The following DYNC1I1 variants were observed in gnomAD, a reference collection of about 807,000 sequenced individuals.
DYNC1I1 encodes the protein cytoplasmic dynein 1 intermediate chain 1.
Under a neutral mutation model 86.6 loss-of-function variants are expected in DYNC1I1, and 43 were observed. The observed-to-expected ratio is 0.50, with a 90% CI of 0.39 to 0.64. The LOEUF (loss-of-function observed/expected upper bound fraction) is 0.64, where lower values mean the gene tolerates loss of function less well. Among genes scored for constraint, DYNC1I1 ranks in the 30% least tolerant of loss-of-function variants. The probability of loss-of-function intolerance (pLI) is 0.00; values close to 1 mark genes in which losing one functional copy is unlikely to be tolerated. For missense variants in DYNC1I1, 604 were observed against 788.8 expected (o/e 0.77, Z 2.81); for synonymous variants, 262 against 283.7 (o/e 0.92, Z 0.77).
chr7:95,879,842 G>A (rs1010717250), intron 6 of DYNC1I1, among the ~76,000 whole-genome samples: 5 of 152,264 alleles, frequency 3.3e-5, no homozygotes, highest in East Asian at 3.9e-4. Flanking sequence ...AATAGAGAGA[G>A]AATTGTAGGA....
At chr7:96,083,513 G>C (rs377204869) in intron 16 of DYNC1I1, among the ~76,000 whole-genome samples, 1 of 152,054 alleles carries the variant, frequency 6.6e-6, no homozygotes, top group Admixed American at 6.6e-5. Flanking sequence ...CTATAGGATC[G>C]TTCACCAGCC....
At chr7:95,804,594 A>C in intron 1 of DYNC1I1, 127 bp from the exon 2 acceptor site, 1 of 1,108,842 alleles carries the variant, frequency 9.0e-7, no homozygotes, top group South Asian at 1.8e-5. Context: ...AGGCTAAATA[A>C]TACAACCTCT....
intron 6 of DYNC1I1, among the ~76,000 whole-genome samples, chr7:95,957,441 C>CTCT (rs1792746148): frequency 6.6e-6 from 1 of 151,508 alleles, no homozygotes; most frequent in African/African-American, 2.4e-5. Context: ...GATCTTTATC[C>CTCT]CCTCCTCCTC....
chr7:95,823,200 C>G (rs989311521), intron 4 of DYNC1I1, among the ~76,000 whole-genome samples: 1 of 152,106 alleles, frequency 6.6e-6, no homozygotes, highest in Non-Finnish European at 1.5e-5. Flanking sequence ...AAACTAAGCA[C>G]TGAGGAAAAT....
At chr7:95,819,421 A>G (rs1795025097) in intron 4 of DYNC1I1, among the ~76,000 whole-genome samples, 1 of 152,070 alleles carries the variant, frequency 6.6e-6, no homozygotes, top group Non-Finnish European at 1.5e-5. Context: ...TACTCAAAGG[A>G]AATCCTTAGG....
At chr7:96,103,908 G>A (rs1251064226) in intron 16 of DYNC1I1, among the ~76,000 whole-genome samples, 1 of 152,124 alleles carries the variant, frequency 6.6e-6, no homozygotes, top group Non-Finnish European at 1.5e-5. Flanking sequence ...CACCGCACCA[G>A]GCCTCTATGT....
intron 6 of DYNC1I1, among the ~76,000 whole-genome samples, chr7:95,895,442 C>T (rs1487896415): frequency 6.6e-6 from 1 of 152,162 alleles, no homozygotes; most frequent in Admixed American, 6.5e-5. Flanking sequence ...TCAGCTTCGA[C>T]GATTGCTCTC....
intron 10 of DYNC1I1, among the ~76,000 whole-genome samples, chr7:96,015,652 A>G (rs902970149): frequency 1.3e-5 from 2 of 152,198 alleles, no homozygotes; most frequent in South Asian, 2.1e-4. Context: ...CCAAGTACAC[A>G]TAAATGTTCC....
chr7:96,101,018 G>A (rs766829075), downstream of DYNC1I1, among the ~76,000 whole-genome samples: 1 of 152,152 alleles, frequency 6.6e-6, no homozygotes, highest in Non-Finnish European at 1.5e-5. Flanking sequence ...AGGGCTGATG[G>A]TAGGAGAGGC....
intron 1 of DYNC1I1, chr7:95,804,380 T>A: frequency 1.6e-6 from 2 of 1,276,086 alleles, no homozygotes; most frequent in African/African-American, 1.5e-5. Flanking sequence ...TGATGGTTCT[T>A]TTTTGATTCT....
chr7:96,059,055 T>C (rs1316714676), intron 14 of DYNC1I1, among the ~76,000 whole-genome samples: 1 of 152,190 alleles, frequency 6.6e-6, no homozygotes, highest in African/African-American at 2.4e-5. Context: ...ATTTGATTCC[T>C]ACGACCTTCT....
At chr7:95,911,160 C>G (rs886998723) in intron 6 of DYNC1I1, among the ~76,000 whole-genome samples, 4 of 152,150 alleles carry the variant, frequency 2.6e-5, no homozygotes, top group Non-Finnish European at 5.9e-5. Context: ...AATAGACCAA[C>G]AAGGCTTGAT....
intron 16 of DYNC1I1, among the ~76,000 whole-genome samples, chr7:96,109,352 A>C (rs1012416113): frequency 1.4e-5 from 2 of 138,478 alleles, no homozygotes; most frequent in African/African-American, 5.2e-5. Context: ...TCCTAATGCT[A>C]TCCCTCCCCC....
chr7:95,823,480 A>G (rs11771747), intron 4 of DYNC1I1, among the ~76,000 whole-genome samples: 11,152 of 152,334 alleles, frequency 0.073, 507 homozygotes, highest in Non-Finnish European at 0.096. Context: ...GCAAGTGATG[A>G]GAGCTACTTT....
chr7:95,878,418 G>T (rs1339429415), intron 6 of DYNC1I1, among the ~76,000 whole-genome samples: 1 of 152,162 alleles, frequency 6.6e-6, no homozygotes, highest in Non-Finnish European at 1.5e-5. Context: ...AAATTCTAGA[G>T]TTCAGTACAA....
At chr7:96,055,332 A>C (rs1789542325) in intron 14 of DYNC1I1, among the ~76,000 whole-genome samples, 1 of 152,080 alleles carries the variant, frequency 6.6e-6, no homozygotes, top group South Asian at 2.1e-4. Flanking sequence ...TGGGTGCAGC[A>C]AACAACCATG....
At chr7:95,834,898 T>C in intron 5 of DYNC1I1, among the ~76,000 whole-genome samples, 1 of 152,024 alleles carries the variant, frequency 6.6e-6, no homozygotes, top group South Asian at 2.1e-4. Flanking sequence ...GTCTATGTAT[T>C]TTGTTGATCC....
intron 14 of DYNC1I1, among the ~76,000 whole-genome samples, chr7:96,053,306 G>C (rs917903803): frequency 6.6e-6 from 1 of 152,194 alleles, no homozygotes; most frequent in Non-Finnish European, 1.5e-5. Flanking sequence ...GTGTATTTCT[G>C]TAAATACATT....
chr7:95,985,812 G>A (rs1042029986), intron 8 of DYNC1I1, among the ~76,000 whole-genome samples: 1 of 152,164 alleles, frequency 6.6e-6, no homozygotes, highest in East Asian at 1.9e-4. Flanking sequence ...ACAGAGGCAT[G>A]AAAACCAATT....
Sources: allele counts gnomAD v4.1 joint callset (sites outside exome capture counted in the v4.1 genomes callset), GRCh38; gene constraint gnomAD v4.1.1; transcripts MANE v1.5; gene names NCBI Gene and HGNC (gene_info 2026-07-23, HGNC 2026-07-21).